Variants in AFG3L2 observed in about 807,000 individuals in gnomAD.
The protein encoded by AFG3L2 is AFG3 like matrix AAA peptidase subunit 2.
In AFG3L2, 54 loss-of-function variants were observed where a neutral mutation model predicts 94.5. The ratio of observed to expected loss-of-function variants is 0.57; its 90% confidence interval spans 0.46 to 0.72. The LOEUF (loss-of-function observed/expected upper bound fraction) is 0.72, where lower values mean the gene tolerates loss of function less well. Ranked by LOEUF, AFG3L2 falls within the 30% of genes least tolerant of loss-of-function variation. The probability of loss-of-function intolerance (pLI) is 0.00; values close to 1 mark genes in which losing one functional copy is unlikely to be tolerated. For synonymous variants in AFG3L2, 377 were observed against 365.5 expected (o/e 1.03, Z -0.36); for missense variants, 754 against 994.9 (o/e 0.76, Z 3.26).
At chr18:12,345,844 T>C (rs751176548) in intron 13 of AFG3L2, among the ~76,000 whole-genome samples, 19 of 152,226 alleles carry the variant, frequency 1.2e-4, no homozygotes, top group Non-Finnish European at 2.5e-4. Context: ...ATCTGAGGTT[T>C]ACCTTTTCAA....
chr18:12,330,625 A>C (rs989963801), intron 16 of AFG3L2, among the ~76,000 whole-genome samples: 6 of 152,020 alleles, frequency 3.9e-5, no homozygotes, highest in Non-Finnish European at 8.8e-5. Context: ...TAAAAATACA[A>C]AAATTAGCCA....
chr18:12,374,217 T>G (rs1471543363), intron 1 of AFG3L2, among the ~76,000 whole-genome samples: 1 of 152,220 alleles, frequency 6.6e-6, no homozygotes, highest in Non-Finnish European at 1.5e-5. Context: ...ATCCAAGATC[T>G]GCATGTCTAG....
intron 1 of AFG3L2, 115 bp from the exon 2 acceptor site, chr18:12,371,806 G>C (rs1209755516): frequency 2.4e-6 from 2 of 836,410 alleles, no homozygotes; most frequent in Non-Finnish European, 3.9e-6. Flanking sequence ...AGGTGGTTAT[G>C]AAGTAACACA....
intron 16 of AFG3L2, among the ~76,000 whole-genome samples, chr18:12,333,019 T>A: frequency 1.3e-5 from 1 of 75,436 alleles, no homozygotes; most frequent in African/African-American, 4.5e-5. Flanking sequence ...TAAAATATAT[T>A]AATAATATAT....
rs768153900 is a variant in AFG3L2 at position 12,337,376 on chromosome 18, C to A, written c.2140G>T (p.Ala714Ser). 1.9e-6 allele frequency: 3 copies of A among 1,614,064 alleles called. No homozygotes were observed. In the African/African-American group the frequency reaches 4.0e-5, roughly 22 times the overall value. The part of the protein sequence containing the change: ...LINDAYKRTV[A>S]LLTEKKADVE... ...TCAGCTTTCTTTTCTGTGAGAAGAG[C>A]TACTGTTCTTTTATAAGCATCATTA... The change falls in exon 16 of 17, where the codon GCT (alanine) becomes TCT (serine). Residue 714 changes from alanine to serine, a missense_variant. Ala to Ser is a moderately conservative substitution (Grantham distance 99, BLOSUM62 1). Transcript: ENST00000269143.
chr18:12,345,817 C>A (rs1478191733), intron 13 of AFG3L2, among the ~76,000 whole-genome samples: 1 of 152,158 alleles, frequency 6.6e-6, no homozygotes, highest in African/African-American at 2.4e-5. Context: ...TGCTTCATTC[C>A]ATTCACAACT....
In AFG3L2 at chr18:12,353,966, G is replaced by A. The variant is rs116638127; in HGVS notation, c.1165-808C>T. Reference sequence around the variant, plus strand: ...CCATCAGCTCATCCCCAAAGAGGGGGTGACAGCCTTCGTCTGCCACCCACC... The same window carrying A: ...CCATCAGCTCATCCCCAAAGAGGGGATGACAGCCTTCGTCTGCCACCCACC... On this transcript the variant is annotated intron_variant, in intron 9 of 16. Coordinates refer to ENST00000269143, the MANE Select transcript of AFG3L2 (RefSeq NM_006796.3). Among the ~76,000 whole-genome samples the A allele has an allele frequency of 7.1e-3, 1,087 of 152,166 alleles. 7 individuals are homozygous for A. The highest frequency in any genetic ancestry group is 0.025 in the African/African-American group (1,026 of 41,510).
intron 12 of AFG3L2, among the ~76,000 whole-genome samples, chr18:12,349,065 TTC>T: frequency 6.6e-6 from 1 of 152,236 alleles, no homozygotes; most frequent in Middle Eastern, 3.2e-3. Context: ...TCTCAAACTG[TTC>T]TTTTTTTATT....
chr18:12,370,331 C>T (rs1350410837), intron 3 of AFG3L2, among the ~76,000 whole-genome samples: 3 of 152,012 alleles, frequency 2.0e-5, no homozygotes, highest in Admixed American at 6.6e-5. Flanking sequence ...TCTAAGGTAG[C>T]CTTAAATTAC....
chr18:12,362,575 A>G (rs1330930719), intron 6 of AFG3L2, among the ~76,000 whole-genome samples: 1 of 152,196 alleles, frequency 6.6e-6, no homozygotes, highest in Non-Finnish European at 1.5e-5. Flanking sequence ...AATGGTATGA[A>G]TTTCAACACA....
chr18:12,329,601 C>T lies in AFG3L2; in HGVS notation c.2358G>A (p.Glu786=), dbSNP rs767374819. The T allele has an allele frequency of 3.2e-5, 52 of 1,614,190 alleles. No individual in the cohort carries two copies. In the South Asian group the frequency reaches 5.7e-4, roughly 18 times the overall value. ...LKDWNKEREK[E]KEEPPGEKVA... ...CTTTCTCACCCGGGGGCTCCTCTTT[C>T]TCCTTTTCCCGCTCCTTGTTCCAGT... is the stretch of plus-strand genomic sequence containing the variant. The change falls in exon 17 of 17, where the codon GAG becomes GAA. Residue 786 remains glutamate, a synonymous_variant. Coordinates refer to ENST00000269143, the MANE Select transcript of AFG3L2 (RefSeq NM_006796.3).
chr18:12,354,478 A>G (rs116862261), intron 9 of AFG3L2, among the ~76,000 whole-genome samples: 13,637 of 151,680 alleles, frequency 0.09, 816 homozygotes, highest in Middle Eastern at 0.18. Context: ...TGTGGCAGGC[A>G]CTCCACCCCA....
intron 11 of AFG3L2, 36 bp downstream of exon 11, chr18:12,351,270 T>G: frequency 6.2e-7 from 1 of 1,613,422 alleles, no homozygotes; most frequent in Non-Finnish European, 8.5e-7. Context: ...CCTACACTCA[T>G]GAGCACTGGA....
intron 5 of AFG3L2, among the ~76,000 whole-genome samples, chr18:12,364,177 A>G (rs1041212597): frequency 2.6e-5 from 4 of 152,194 alleles, no homozygotes; most frequent in Non-Finnish European, 5.9e-5. Context: ...TGTTTTATAT[A>G]TAAGTATTCT....
In AFG3L2 at chr18:12,329,592, C is replaced by T. The variant is rs1385104416; in HGVS notation, c.2367G>A (p.Glu789=). The T allele has an allele frequency of 1.2e-6, 2 of 1,613,986 alleles. No homozygotes were observed. Among genetic ancestry groups the T allele is most frequent in the Non-Finnish European group, 1.7e-6 (2 of 1,180,048 alleles). ...WNKEREKEKE[E]PPGEKVAN is the part of the protein sequence containing the mutation. ...AGTTGGCAACTTTCTCACCCGGGGG[C>T]TCCTCTTTCTCCTTTTCCCGCTCCT... The change falls in exon 17 of 17, where the codon GAG becomes GAA. Residue 789 remains glutamate (E), a synonymous_variant. Coordinates refer to ENST00000269143, the MANE Select transcript of AFG3L2 (RefSeq NM_006796.3).
chr18:12,359,887 GCA>G lies in AFG3L2; in HGVS notation c.752+38_752+39del, dbSNP rs751878578. On this transcript the variant is annotated intron_variant, in intron 7 of 16. Coordinates refer to ENST00000269143, the MANE Select transcript of AFG3L2 (RefSeq NM_006796.3). ...GACAGAACACAGTGAACCACAGGCA[GCA>G]CAGTCAACAGTCTACAAAATATTAT... The G allele has an allele frequency of 1.6e-4, 250 of 1,610,204 alleles. No homozygotes were observed. In the African/African-American group the frequency reaches 3.1e-3, roughly 20 times the overall value.
chr18:12,339,707 G>A (rs1907880054), intron 15 of AFG3L2, among the ~76,000 whole-genome samples: 1 of 151,842 alleles, frequency 6.6e-6, no homozygotes, highest in Non-Finnish European at 1.5e-5. Flanking sequence ...AAATCAGCCA[G>A]GCGTGGTGGT....
intron 5 of AFG3L2, 25 bp from the exon 6 acceptor site, chr18:12,363,881 A>G: frequency 6.6e-7 from 1 of 1,514,746 alleles, no homozygotes; most frequent in South Asian, 1.1e-5. Context: ...ATAAATTCAC[A>G]CATAAATTCA....
At chr18:12,368,036 G>A (rs1205050387) in intron 3 of AFG3L2, among the ~76,000 whole-genome samples, 1 of 151,966 alleles carries the variant, frequency 6.6e-6, no homozygotes, top group African/African-American at 2.4e-5. Context: ...GCATGGTGGC[G>A]CATGCCTGTA....
Sources: allele counts gnomAD v4.1 joint callset (sites outside exome capture counted in the v4.1 genomes callset), GRCh38; gene constraint gnomAD v4.1.1; transcripts MANE v1.5; gene names NCBI Gene and HGNC (gene_info 2026-07-23, HGNC 2026-07-21).